Variants in CDH4 observed in about 807,000 individuals in gnomAD.
CDH4 encodes cadherin-4.
CDH4 carries 33 observed loss-of-function variants against 86.0 expected under a neutral mutation model. The observed-to-expected ratio is 0.38, with a 90% CI of 0.29 to 0.51. The LOEUF is 0.51. Ranked by LOEUF, CDH4 falls within the 20% of genes least tolerant of loss-of-function variation. The probability of loss-of-function intolerance (pLI) is 0.86; values close to 1 mark genes in which losing one functional copy is unlikely to be tolerated. For missense variants in CDH4, 1,114 were observed against 1,307.4 expected (o/e 0.85, Z 2.28); for synonymous variants, 555 against 549.4 (o/e 1.01, Z -0.14).
At position 61,269,965 on chromosome 20, in the gene CDH4, C is replaced by T. The variant is rs1256746250; in HGVS notation, c.169+15028C>T. ...GCCCCCAGATGTGGAGAGGGCCGGCCGACCTTTGCGGCAGTCATTTTTCCA... is the reference window on the plus strand; with the variant it reads ...GCCCCCAGATGTGGAGAGGGCCGGCTGACCTTTGCGGCAGTCATTTTTCCA... On this transcript the variant is annotated intron_variant, in intron 2 of 15. Transcript: ENST00000614565. The surrounding 1 kb of genome is among the most constrained non-coding windows in gnomAD (Gnocchi z 5.3). Among the ~76,000 whole-genome samples the T allele has an allele frequency of 2.6e-5, 4 of 152,208 alleles. No homozygotes were observed. Among genetic ancestry groups the T allele is most frequent in the Admixed American group, 6.5e-5 (1 of 15,278 alleles).
chr20:61,768,369 C>T (rs918999048), intron 3 of CDH4, among the ~76,000 whole-genome samples: 4 of 152,112 alleles, frequency 2.6e-5, no homozygotes, highest in Non-Finnish European at 4.4e-5. Context: ...TGTGCATGTG[C>T]GTACATGCAT....
intron 4 of CDH4, among the ~76,000 whole-genome samples, chr20:61,774,923 C>G (rs1401771633): frequency 6.6e-6 from 1 of 152,162 alleles, no homozygotes; most frequent in Non-Finnish European, 1.5e-5. Context: ...TCCAGTCTGT[C>G]ATTGATGGGC....
At chr20:61,860,121 T>A (rs992486718) in intron 6 of CDH4, among the ~76,000 whole-genome samples, 13 of 152,254 alleles carry the variant, frequency 8.5e-5, no homozygotes, top group Admixed American at 2.0e-4. Flanking sequence ...AGTGTCCTTA[T>A]TATCTGCAGC....
In CDH4 at chr20:61,631,524, A is replaced by G. The variant is rs192108066; in HGVS notation, c.170-112039A>G. 2.2e-3 allele frequency among the ~76,000 whole-genome samples: 338 copies of G among 152,326 alleles called. 2 individuals carry two copies. Among genetic ancestry groups the G allele is most frequent in the African/African-American group, 7.6e-3 (315 of 41,558 alleles). On this transcript the variant is annotated intron_variant, in intron 2 of 15. Transcript: ENST00000614565. ...GCTGGGTGTAGTGGCATGTGCCTAT[A>G]ATCCCAGCTACTCAGGAGGCTGAAG...
At chr20:61,801,917 A>G (rs1254029196) in intron 4 of CDH4, among the ~76,000 whole-genome samples, 1 of 152,214 alleles carries the variant, frequency 6.6e-6, no homozygotes. Context: ...CTCTTTTGCC[A>G]TGGAAGGTGG....
At chr20:61,779,536 C>T (rs879579277) in intron 4 of CDH4, among the ~76,000 whole-genome samples, 4 of 152,262 alleles carry the variant, frequency 2.6e-5, no homozygotes, top group South Asian at 2.1e-4. Flanking sequence ...CCCCCTACAC[C>T]GAACAACTCA....
At chr20:61,483,679 C>G (rs943460412) in intron 2 of CDH4, among the ~76,000 whole-genome samples, 2 of 148,504 alleles carry the variant, frequency 1.3e-5, no homozygotes, top group African/African-American at 5.1e-5. Flanking sequence ...CCGCCCCCCC[C>G]GCCCCGCCCC....
intron 4 of CDH4, among the ~76,000 whole-genome samples, chr20:61,783,567 T>G (rs1978669910): frequency 2.2e-5 from 3 of 135,002 alleles, no homozygotes; most frequent in South Asian, 2.6e-4. Context: ...CTGGGAGAAA[T>G]GTAAGCCCAG....
At chr20:61,756,902 T>A (rs1250639076) in intron 3 of CDH4, among the ~76,000 whole-genome samples, 1 of 151,900 alleles carries the variant, frequency 6.6e-6, no homozygotes, top group Non-Finnish European at 1.5e-5. Flanking sequence ...GAGGTGGGGG[T>A]CCAAGTTTGA....
intron 2 of CDH4, among the ~76,000 whole-genome samples, chr20:61,413,725 A>G (rs1203443745): frequency 6.6e-6 from 1 of 151,832 alleles, no homozygotes; most frequent in Admixed American, 6.6e-5. Context: ...CTTCTCTCCC[A>G]CTGGTTCTCA....
intron 2 of CDH4, among the ~76,000 whole-genome samples, chr20:61,291,052 C>T (rs1485651173): frequency 1.3e-5 from 2 of 152,110 alleles, no homozygotes; most frequent in East Asian, 1.9e-4. Flanking sequence ...TGTGTGTCCC[C>T]CAACCCCTGT....
At chr20:61,256,882 C>G (rs2084101334) in intron 2 of CDH4, among the ~76,000 whole-genome samples, 1 of 152,042 alleles carries the variant, frequency 6.6e-6, no homozygotes, top group South Asian at 2.1e-4. Flanking sequence ...TGTAGAGTCT[C>G]AGGAAGAAAG....
At chr20:61,699,029 C>T (rs2087744804) in intron 2 of CDH4, among the ~76,000 whole-genome samples, 1 of 152,248 alleles carries the variant, frequency 6.6e-6, no homozygotes, top group Non-Finnish European at 1.5e-5. Context: ...GCTGGCAGGT[C>T]CCCACAGTGG....
At chr20:61,654,021 G>T (rs1165935090) in intron 2 of CDH4, among the ~76,000 whole-genome samples, 3 of 151,672 alleles carry the variant, frequency 2.0e-5, no homozygotes. Context: ...CCCAGACAGG[G>T]TGGCGGCCGG....
At position 61,807,516 on chromosome 20, in the gene CDH4, C is replaced by T. The variant is rs1321535837; in HGVS notation, c.576+34334C>T. ...CCATCTCCTCCCGGCTGGGAAGTTG[C>T]AGCCCTTTCTCCCCGTCAAGGTGCA... On this transcript the variant is annotated intron_variant, in intron 4 of 15. Coordinates refer to ENST00000614565, the MANE Select transcript of CDH4 (RefSeq NM_001794.5). This position sits in a 1 kb window ranked among gnomAD's most constrained non-coding sequence, Gnocchi z 4.5. Among the ~76,000 whole-genome samples, 1 of 152,228 alleles carries T rather than the reference C, an allele frequency of 6.6e-6. No homozygotes were observed. The highest frequency in any genetic ancestry group is 2.4e-5 in the African/African-American group (1 of 41,456).
intron 2 of CDH4, among the ~76,000 whole-genome samples, chr20:61,629,645 C>T (rs1240792684): frequency 2.6e-5 from 4 of 152,280 alleles, no homozygotes; most frequent in African/African-American, 7.2e-5. Context: ...TTAAGGCGGC[C>T]GCGGTTTTTC....
chr20:61,427,536 C>T (rs1312969291), intron 2 of CDH4, among the ~76,000 whole-genome samples: 2 of 151,764 alleles, frequency 1.3e-5, no homozygotes, highest in East Asian at 1.9e-4. Flanking sequence ...GCAGCTCCAG[C>T]CTATCTAGCA....
In CDH4 at chr20:61,937,437, T is replaced by G. The variant is rs1322440265; in HGVS notation, c.*494T>G. The G allele has an allele frequency of 2.0e-5, 3 of 152,222 alleles. No homozygotes were observed. Among genetic ancestry groups the G allele is most frequent in the Admixed American group, 6.5e-5 (1 of 15,280 alleles). The allele number at this position is 152,222 out of a possible 1,614,324, so 9.4% of individuals were successfully genotyped here. The stretch of plus-strand genomic sequence containing the variant: ...GTGTCTGTCTTTCTTACTTTTTTTT[T>G]GGTCTTTTATTAAGAAAAAGAAAGT... On this transcript the variant is annotated 3_prime_UTR_variant, in exon 16 of 16. Coordinates refer to ENST00000614565, the MANE Select transcript of CDH4 (RefSeq NM_001794.5).
intron 2 of CDH4, among the ~76,000 whole-genome samples, chr20:61,430,583 G>T (rs1396467545): frequency 1.3e-5 from 2 of 152,090 alleles, no homozygotes; most frequent in East Asian, 1.9e-4. Context: ...TTCATGGGCC[G>T]CCGTGTTCTG....
Sources: allele counts gnomAD v4.1 joint callset (sites outside exome capture counted in the v4.1 genomes callset), GRCh38; gene constraint gnomAD v4.1.1; non-coding constraint Gnocchi (gnomAD v3.1); transcripts MANE v1.5; gene names NCBI Gene and HGNC (gene_info 2026-07-23, HGNC 2026-07-21).